The following DYNC1I1 variants were observed in gnomAD, a reference collection of about 807,000 sequenced individuals.
DYNC1I1 encodes the protein cytoplasmic dynein 1 intermediate chain 1.
In DYNC1I1, 43 loss-of-function variants were observed where a neutral mutation model predicts 86.6. That is an observed-to-expected ratio of 0.50 (90% confidence interval 0.39 to 0.64). The LOEUF is 0.64. Among genes scored for constraint, DYNC1I1 ranks in the 30% least tolerant of loss-of-function variants. DYNC1I1 has a pLI of 0.00. For missense variants in DYNC1I1, 604 were observed against 788.8 expected (o/e 0.77, Z 2.81); for synonymous variants, 262 against 283.7 (o/e 0.92, Z 0.77).
At chr7:96,067,466 TC>T (rs1270146508) in intron 14 of DYNC1I1, among the ~76,000 whole-genome samples, 2 of 151,028 alleles carry the variant, frequency 1.3e-5, no homozygotes, top group Non-Finnish European at 2.9e-5. Context: ...TTTTTTTATT[TC>T]TTCTTAAAGC....
intron 10 of DYNC1I1, among the ~76,000 whole-genome samples, chr7:96,012,648 T>G (rs1794303519): frequency 6.6e-6 from 1 of 152,202 alleles, no homozygotes; most frequent in Non-Finnish European, 1.5e-5. Context: ...ACAATATATA[T>G]GTGACCATGA....
chr7:96,092,142 G>A (rs886755248), intron 16 of DYNC1I1, among the ~76,000 whole-genome samples: 6 of 151,370 alleles, frequency 4.0e-5, no homozygotes, highest in Non-Finnish European at 8.8e-5. Flanking sequence ...TATTTGTGTG[G>A]GTATTTCAGA....
chr7:96,066,564 C>A (rs1241061660), intron 14 of DYNC1I1, among the ~76,000 whole-genome samples: 1 of 152,170 alleles, frequency 6.6e-6, no homozygotes, highest in South Asian at 2.1e-4. Flanking sequence ...TGGTAAAAAC[C>A]TGGGTACCTC....
chr7:96,002,634 G>A (rs139023200), intron 10 of DYNC1I1, among the ~76,000 whole-genome samples: 1 of 152,204 alleles, frequency 6.6e-6, no homozygotes, highest in African/African-American at 2.4e-5. Flanking sequence ...AGCAATCTTT[G>A]TGTATTGTCC....
chr7:95,991,896 T>C (rs1793739255), intron 9 of DYNC1I1, among the ~76,000 whole-genome samples: 1 of 152,206 alleles, frequency 6.6e-6, no homozygotes. Flanking sequence ...AGTCTCACTC[T>C]GTCACCCTAG....
At chr7:95,804,497 G>A in intron 1 of DYNC1I1, 2 of 852,638 alleles carry the variant, frequency 2.3e-6, no homozygotes, top group South Asian at 3.7e-5. Context: ...TATTTCTTCA[G>A]ATATTTATGT....
At chr7:95,942,454 C>T (rs981399751) in intron 6 of DYNC1I1, among the ~76,000 whole-genome samples, 5 of 152,176 alleles carry the variant, frequency 3.3e-5, no homozygotes, top group African/African-American at 1.2e-4. Context: ...CAAGGAGGAA[C>T]TGGTACCATT....
rs370755377 is a variant in DYNC1I1, at chr7:96,109,940, G to C, written c.1543-39G>C. On this transcript the variant is annotated intron_variant, in intron 16 of 16. Coordinates refer to the DYNC1I1 transcript ENST00000537881. ...TGTTCAAATCTTCTATATATGTACT[G>C]ATTTTCTGCCTACCTTTTTTTTCTT... The C allele has an allele frequency of 7.7e-5, 22 of 287,312 alleles. No individual in the cohort carries two copies. The East Asian group carries it at 1.0e-3, about 13-fold the overall frequency. 17.8% of individuals were successfully genotyped at this position (287,312 alleles called of 1,614,324 possible).
rs1160148601 is a variant in DYNC1I1 at position 95,981,252 on chromosome 7, T to G, written c.581-3563T>G. On this transcript the variant is annotated intron_variant, in intron 7 of 16. Coordinates refer to ENST00000447467, the MANE Select transcript of DYNC1I1 (RefSeq NM_001135556.2). ...AGAACCCAAAAGATATAGTTTAAAG[T>G]AGTATAAATTAATTAAAGAGAAACT... Among the ~76,000 whole-genome samples, 6 of 151,958 alleles carry G rather than the reference T, an allele frequency of 3.9e-5. No homozygotes were observed. The East Asian group carries it at 1.2e-3, about 29-fold the overall frequency.
intron 9 of DYNC1I1, among the ~76,000 whole-genome samples, chr7:95,988,799 T>C (rs903651890): frequency 4.6e-5 from 7 of 152,220 alleles, no homozygotes; most frequent in African/African-American, 1.7e-4. Flanking sequence ...CAAAGCACCA[T>C]GATAGCTGCT....
At chr7:95,841,566 T>A (rs973776971) in intron 5 of DYNC1I1, among the ~76,000 whole-genome samples, 3 of 152,022 alleles carry the variant, frequency 2.0e-5, no homozygotes, top group African/African-American at 7.2e-5. Flanking sequence ...GGTGAGTTAG[T>A]AACTACACTC....
At chr7:95,807,978 A>G (rs1794740873) in intron 2 of DYNC1I1, among the ~76,000 whole-genome samples, 1 of 152,110 alleles carries the variant, frequency 6.6e-6, no homozygotes, top group Non-Finnish European at 1.5e-5. Context: ...GGCATTCAAA[A>G]AGGAGTTATA....
rs1789660614 is a variant in DYNC1I1, at chr7:95,854,362, T to C, written c.375-15521T>C. ...GGCTTACAGCAAACATAGGTATAGA[T>C]AGTTTATATTATATTAAGGTGATAA... On this transcript the variant is annotated intron_variant, in intron 5 of 16. Coordinates refer to ENST00000447467, the MANE Select transcript of DYNC1I1 (RefSeq NM_001135556.2). 2.0e-5 allele frequency among the ~76,000 whole-genome samples: 3 copies of C among 152,082 alleles called. No individual in the cohort carries two copies. The South Asian group carries it at 6.2e-4, about 31-fold the overall frequency.
At chr7:96,079,059 T>C (rs1435241189) in intron 15 of DYNC1I1, among the ~76,000 whole-genome samples, 1 of 152,110 alleles carries the variant, frequency 6.6e-6, no homozygotes, top group African/African-American at 2.4e-5. Context: ...ACAATTGACA[T>C]ACAGTGATTT....
chr7:95,951,220 C>T (rs1272536201), intron 6 of DYNC1I1, among the ~76,000 whole-genome samples: 3 of 152,182 alleles, frequency 2.0e-5, no homozygotes, highest in African/African-American at 7.2e-5. Flanking sequence ...TCCTTATGCT[C>T]ACCCCCAAAT....
intron 14 of DYNC1I1, among the ~76,000 whole-genome samples, chr7:96,065,686 C>T (rs941982233): frequency 6.6e-6 from 1 of 152,200 alleles, no homozygotes; most frequent in African/African-American, 2.4e-5. Context: ...CCGCGCCGAG[C>T]ATCCCGGCTC....
intron 6 of DYNC1I1, among the ~76,000 whole-genome samples, chr7:95,954,323 T>G (rs759736597): frequency 1.3e-5 from 2 of 151,346 alleles, no homozygotes; most frequent in Non-Finnish European, 2.9e-5. Flanking sequence ...TAAGGTCAAA[T>G]AAAATTTCAA....
At chr7:95,822,152 A>G (rs1447313719) in intron 4 of DYNC1I1, among the ~76,000 whole-genome samples, 2 of 152,202 alleles carry the variant, frequency 1.3e-5, no homozygotes, top group Non-Finnish European at 2.9e-5. Context: ...TACACTTTCA[A>G]CAGATGGCCA....
At chr7:95,850,623 C>T (rs750129768) in intron 5 of DYNC1I1, among the ~76,000 whole-genome samples, 2 of 152,170 alleles carry the variant, frequency 1.3e-5, no homozygotes, top group African/African-American at 2.4e-5. Context: ...AAATGTAATG[C>T]CTTTTCCATC....
Sources: allele counts gnomAD v4.1 joint callset (sites outside exome capture counted in the v4.1 genomes callset), GRCh38; gene constraint gnomAD v4.1.1; transcripts MANE v1.5; gene names NCBI Gene and HGNC (gene_info 2026-07-23, HGNC 2026-07-21).